Variants in RGS7 observed in about 807,000 individuals in gnomAD.
RGS7 encodes the protein regulator of G-protein signaling 7.
RGS7 carries 27 observed loss-of-function variants against 81.1 expected under a neutral mutation model. The ratio of observed to expected loss-of-function variants is 0.33; its 90% CI spans 0.25 to 0.46. The LOEUF is 0.46. RGS7 is among the 20% of genes least tolerant of loss of function. RGS7 has a pLI of 1.00. For synonymous variants in RGS7, 208 were observed against 207.7 expected, an observed-to-expected ratio of 1.00 and a Z score of -0.01; for missense variants, 396 against 607.4, an observed-to-expected ratio of 0.65 and a Z score of 3.66.
chr1:241,255,958 G>T (rs145643119), intron 2 of RGS7, among the ~76,000 whole-genome samples: 1 of 151,964 alleles, frequency 6.6e-6, no homozygotes, highest in Non-Finnish European at 1.5e-5. Context: ...GGACACCAGC[G>T]GTAAAGAAAG....
At chr1:240,845,937 G>C (rs2147903769) in intron 9 of RGS7, among the ~76,000 whole-genome samples, 1 of 152,276 alleles carries the variant, frequency 6.6e-6, no homozygotes, top group Admixed American at 6.5e-5. Context: ...CTGCTGCCTT[G>C]GTTGGTTCAA....
chr1:240,958,056 T>C (rs1256970267), intron 4 of RGS7, among the ~76,000 whole-genome samples: 2 of 152,162 alleles, frequency 1.3e-5, no homozygotes, highest in Non-Finnish European at 2.9e-5. Flanking sequence ...CCCCTAGGCA[T>C]GTGGTGGCTG....
At chr1:241,255,198 C>CT (rs1429812072) in intron 2 of RGS7, among the ~76,000 whole-genome samples, 3 of 152,186 alleles carry the variant, frequency 2.0e-5, no homozygotes, top group Non-Finnish European at 4.4e-5. Flanking sequence ...TACAAGCAGA[C>CT]TATCGCCAGT....
chr1:241,090,011 A>G (rs2502425), intron 3 of RGS7, among the ~76,000 whole-genome samples: 30,271 of 140,182 alleles, frequency 0.22, 4,742 homozygotes, highest in African/African-American at 0.43. Context: ...AAAAAAAAAA[A>G]AGAGAGAGAG....
chr1:241,115,797 T>A (rs749432066), intron 2 of RGS7, among the ~76,000 whole-genome samples: 1 of 152,202 alleles, frequency 6.6e-6, no homozygotes, highest in Non-Finnish European at 1.5e-5. Flanking sequence ...TAAGTAGTCA[T>A]ATGAAACCAA....
intron 2 of RGS7, among the ~76,000 whole-genome samples, 184 bp downstream of exon 2, chr1:241,355,513 AGT>A (rs1230028126): frequency 6.6e-6 from 1 of 152,220 alleles, no homozygotes; most frequent in Non-Finnish European, 1.5e-5. Flanking sequence ...CATTTACTTC[AGT>A]GTGTTTCCCC....
chr1:240,992,215 C>A, intron 3 of RGS7, among the ~76,000 whole-genome samples: 1 of 152,184 alleles, frequency 6.6e-6, no homozygotes, highest in East Asian at 1.9e-4. Flanking sequence ...GTCAAAACTA[C>A]AGCTCAGGCC....
chr1:241,079,616 T>A (rs546281297), intron 3 of RGS7, among the ~76,000 whole-genome samples: 1 of 152,244 alleles, frequency 6.6e-6, no homozygotes, highest in East Asian at 1.9e-4. Context: ...CTCTTCTACT[T>A]ATGATTAAAC....
At chr1:240,977,090 G>C in intron 4 of RGS7, among the ~76,000 whole-genome samples, 3 of 99,630 alleles carry the variant, frequency 3.0e-5, no homozygotes, top group Admixed American at 2.2e-4. Context: ...CTATCCATCT[G>C]TACACACACA....
chr1:241,317,908 G>A (rs113272102), intron 2 of RGS7, among the ~76,000 whole-genome samples: 1,936 of 152,156 alleles, frequency 0.013, 40 homozygotes, highest in African/African-American at 0.043. Flanking sequence ...TGAATCATAC[G>A]CCTTCCCAGT....
At chr1:241,043,565 A>G (rs1278916056) in intron 3 of RGS7, among the ~76,000 whole-genome samples, 1 of 147,338 alleles carries the variant, frequency 6.8e-6, no homozygotes, top group Non-Finnish European at 1.5e-5. Context: ...ATATAGTTAT[A>G]TTTTATATAT....
At chr1:241,073,670 G>A (rs1230649145) in intron 3 of RGS7, among the ~76,000 whole-genome samples, 1 of 152,174 alleles carries the variant, frequency 6.6e-6, no homozygotes, top group African/African-American at 2.4e-5. Flanking sequence ...CCAGGCTTAT[G>A]TCCTAGTCTT....
At chr1:241,064,423 CAAAA>C (rs557864611) in intron 3 of RGS7, among the ~76,000 whole-genome samples, 3 of 95,232 alleles carry the variant, frequency 3.2e-5, no homozygotes, top group South Asian at 3.4e-4. Flanking sequence ...CAGTCTCTAC[CAAAA>C]AAAAAAAAAA....
chr1:241,329,184 G>A (rs974511667), intron 2 of RGS7, among the ~76,000 whole-genome samples: 3 of 152,150 alleles, frequency 2.0e-5, no homozygotes, highest in Non-Finnish European at 4.4e-5. Context: ...GTTTTCAGGG[G>A]TTGACTGAAC....
intron 9 of RGS7, among the ~76,000 whole-genome samples, chr1:240,831,298 G>A (rs1020933216): frequency 1.3e-5 from 2 of 152,144 alleles, no homozygotes; most frequent in African/African-American, 4.8e-5. Flanking sequence ...GAGGCCCAAA[G>A]TTGCCTGGAA....
chr1:241,129,433 A>G (rs57098772), intron 2 of RGS7, among the ~76,000 whole-genome samples: 17,832 of 152,184 alleles, frequency 0.12, 3,450 homozygotes, highest in African/African-American at 0.4. Flanking sequence ...GGACCTTCCC[A>G]GCCACGACAT....
chr1:240,925,899 A>T (rs1215893168), intron 6 of RGS7, among the ~76,000 whole-genome samples: 1 of 151,966 alleles, frequency 6.6e-6, no homozygotes, highest in East Asian at 1.9e-4. Context: ...ATTTTCTTGT[A>T]TGTTTGCTGG....
At chr1:241,221,931 T>C (rs2075041324) in intron 2 of RGS7, among the ~76,000 whole-genome samples, 1 of 152,150 alleles carries the variant, frequency 6.6e-6, no homozygotes. Context: ...ATACATTTTA[T>C]ACTCACACAT....
intron 2 of RGS7, among the ~76,000 whole-genome samples, chr1:241,342,271 G>A (rs78854463): frequency 0.011 from 1,605 of 152,138 alleles, 21 homozygotes; most frequent in South Asian, 0.028. Flanking sequence ...TCACTATAAA[G>A]GCAGGAATAG....
Sources: gnomAD v4.1 joint callset for allele counts (sites outside exome capture counted in the v4.1 genomes callset) on GRCh38, gnomAD v4.1.1 for gene constraint, MANE v1.5 for transcripts, NCBI Gene and HGNC (gene_info 2026-07-23, HGNC 2026-07-21) for gene names.